The following NTN1 variants were observed in gnomAD, a reference collection of about 807,000 sequenced individuals.
NTN1 encodes netrin 1.
A neutral mutation model predicts 54.2 loss-of-function variants in NTN1; 11 were observed. The observed-to-expected ratio is 0.20, with a 90% CI of 0.13 to 0.34. NTN1 has a LOEUF of 0.34. Among genes scored for constraint, NTN1 ranks in the 10% least tolerant of loss-of-function variants. NTN1 has a pLI of 1.00. For synonymous variants in NTN1, 371 were observed against 382.0 expected (o/e 0.97, Z 0.33); for missense variants, 740 against 893.1 (o/e 0.83, Z 2.18).
intron 2 of NTN1, among the ~76,000 whole-genome samples, chr17:9,033,447 A>G (rs1229014199): frequency 1.3e-5 from 2 of 152,144 alleles, no homozygotes; most frequent in African/African-American, 2.4e-5. Context: ...GTAAGTGAGA[A>G]TCAAGTTGCG....
chr17:9,098,616 G>A (rs2092139688), intron 2 of NTN1, among the ~76,000 whole-genome samples: 1 of 152,204 alleles, frequency 6.6e-6, no homozygotes, highest in Non-Finnish European at 1.5e-5. Flanking sequence ...CTGGACTGGA[G>A]CAGACTATGG....
chr17:9,039,011 A>G (rs1161930514), intron 2 of NTN1, among the ~76,000 whole-genome samples: 1 of 152,204 alleles, frequency 6.6e-6, no homozygotes, highest in African/African-American at 2.4e-5. Context: ...ATTGAGAAAC[A>G]TCATTTTTTG....
At chr17:9,157,738 G>T (rs1055038864) in intron 2 of NTN1, among the ~76,000 whole-genome samples, 2 of 152,224 alleles carry the variant, frequency 1.3e-5, no homozygotes, top group Non-Finnish European at 2.9e-5. Flanking sequence ...AGCCTCAATG[G>T]CCTAGGCAGT....
rs55880198 is a variant in NTN1, at chr17:9,096,366, C to CCTTTTTTTTTTTTTTT, written c.1019-66447_1019-66446insCTTTTTTTTTTTTTTT. On this transcript the variant is annotated intron_variant, in intron 2 of 6. Coordinates refer to ENST00000173229, the MANE Select transcript of NTN1 (RefSeq NM_004822.3). ...TGTCTTCCTGGGTTTTATGGGTAGA[C>CCTTTTTTTTTTTTTTT]TTTTTTTTTTTTTTTTTTTTTTGAG... Among the ~76,000 whole-genome samples, 12 of 91,554 alleles carry CCTTTTTTTTTTTTTTT rather than the reference C, an allele frequency of 1.3e-4. 5 individuals are homozygous for CCTTTTTTTTTTTTTTT. Among genetic ancestry groups the CCTTTTTTTTTTTTTTT allele is most frequent in the Admixed American group, 3.1e-4 (2 of 6,506 alleles). The allele number at this position is 91,554 out of a possible 152,430, so 60.1% of individuals were successfully genotyped here.
intron 2 of NTN1, among the ~76,000 whole-genome samples, chr17:9,160,691 G>A (rs1192416735): frequency 2.6e-5 from 4 of 152,090 alleles, no homozygotes; most frequent in South Asian, 2.1e-4. Flanking sequence ...GGTGGCTCAC[G>A]CCTGTAATCC....
intron 2 of NTN1, among the ~76,000 whole-genome samples, chr17:9,043,826 C>G (rs529696435): frequency 1.3e-5 from 2 of 151,934 alleles, no homozygotes; most frequent in African/African-American, 4.8e-5. Flanking sequence ...GTGATCCACC[C>G]GCCTCGGCTT....
intron 5 of NTN1, among the ~76,000 whole-genome samples, chr17:9,198,821 T>G (rs1007442893): frequency 6.6e-6 from 1 of 152,194 alleles, no homozygotes; most frequent in South Asian, 2.1e-4. Flanking sequence ...GAAGATCACA[T>G]GTAGACCTCC....
At chr17:9,038,265 C>CA (rs55982115) in intron 2 of NTN1, among the ~76,000 whole-genome samples, 55 of 144,098 alleles carry the variant, frequency 3.8e-4, no homozygotes, top group Middle Eastern at 3.5e-3. Flanking sequence ...TTCTCTCTCT[C>CA]CACACACACA....
At chr17:9,108,825 AG>A (rs1416786800) in intron 2 of NTN1, among the ~76,000 whole-genome samples, 3 of 152,178 alleles carry the variant, frequency 2.0e-5, no homozygotes, top group African/African-American at 7.2e-5. Context: ...TCTCCTTCAC[AG>A]GATAGTTATA....
At chr17:9,027,025 GT>G (rs2091873590) in intron 2 of NTN1, among the ~76,000 whole-genome samples, 1 of 152,114 alleles carries the variant, frequency 6.6e-6, no homozygotes. Context: ...TGGGTTGGGG[GT>G]CGGGGGATGT....
At chr17:9,185,952 G>A (rs1309567344) in intron 5 of NTN1, among the ~76,000 whole-genome samples, 2 of 152,138 alleles carry the variant, frequency 1.3e-5, no homozygotes, top group African/African-American at 4.8e-5. Context: ...ATGAAGGGGT[G>A]GACCCAGTGC....
intron 2 of NTN1, among the ~76,000 whole-genome samples, chr17:9,162,505 G>A (rs907486949): frequency 2.6e-5 from 4 of 152,204 alleles, no homozygotes; most frequent in Non-Finnish European, 4.4e-5. Context: ...TACTGGCATA[G>A]GGCCCACTCT....
intron 2 of NTN1, among the ~76,000 whole-genome samples, chr17:9,123,763 ACTTT>A (rs886654549): frequency 1.1e-4 from 16 of 151,796 alleles, no homozygotes; most frequent in Admixed American, 3.3e-4. Flanking sequence ...CTCATTGTGG[ACTTT>A]CTGTTTGATT....
intron 2 of NTN1, among the ~76,000 whole-genome samples, chr17:9,152,357 C>A (rs1381456640): frequency 6.6e-6 from 1 of 152,182 alleles, no homozygotes; most frequent in African/African-American, 2.4e-5. Context: ...TTCCTCTGCC[C>A]AGTTCCCCGG....
At chr17:9,169,651 G>A (rs1328066662) in intron 3 of NTN1, among the ~76,000 whole-genome samples, 3 of 152,156 alleles carry the variant, frequency 2.0e-5, no homozygotes, top group Admixed American at 1.3e-4. Context: ...GATCACCTGA[G>A]GTCAGGATTT....
At chr17:9,092,321 T>C (rs1170029616) in intron 2 of NTN1, among the ~76,000 whole-genome samples, 1 of 36,646 alleles carries the variant, frequency 2.7e-5, no homozygotes. Flanking sequence ...TTTCTTCTCT[T>C]TTTTTTTTTT....
chr17:9,126,834 G>A lies in NTN1; in HGVS notation c.1019-35979G>A, dbSNP rs534677562. ...TGGAAAGTTGCAGATATCAGCTCGA[G>A]GGGGCTGTATTTGGCTGACTTGGCA... On this transcript the variant is annotated intron_variant, in intron 2 of 6. Coordinates refer to ENST00000173229, the MANE Select transcript of NTN1 (RefSeq NM_004822.3). 5.9e-5 allele frequency among the ~76,000 whole-genome samples: 9 copies of A among 152,222 alleles called. No homozygotes were observed. The South Asian group carries it at 1.5e-3, about 25-fold the overall frequency.
chr17:9,010,901 T>A, the NTN1 span, among the ~76,000 whole-genome samples: 2 of 152,162 alleles, frequency 1.3e-5, no homozygotes, highest in Non-Finnish European at 2.9e-5. Context: ...TACATGGTAA[T>A]GTGTAATGAG....
chr17:9,172,124 G>A (rs1358217961), intron 3 of NTN1, among the ~76,000 whole-genome samples: 3 of 152,006 alleles, frequency 2.0e-5, no homozygotes, highest in African/African-American at 4.8e-5. Context: ...CCAACCTCAG[G>A]TGATCCGCCC....
Sources: allele counts gnomAD v4.1 joint callset (sites outside exome capture counted in the v4.1 genomes callset), GRCh38; gene constraint gnomAD v4.1.1; transcripts MANE v1.5; gene names NCBI Gene and HGNC (gene_info 2026-07-23, HGNC 2026-07-21).